VRK2: variants seen among roughly 807,000 people sequenced by gnomAD.
VRK2 encodes the protein serine/threonine-protein kinase VRK2.
VRK2 carries 60 observed loss-of-function variants against 57.6 expected under a neutral mutation model. The ratio of observed to expected loss-of-function variants is 1.04; its 90% CI spans 0.85 to 1.29. The LOEUF is 1.29. Ranked by LOEUF, VRK2 falls within the 50% of genes most tolerant of loss-of-function variation. VRK2 has a pLI of 0.00. For missense variants in VRK2, 705 were observed against 588.1 expected (o/e 1.20, Z -2.06); for synonymous variants, 231 against 199.2 (o/e 1.16, Z -1.35).
chr2:57,933,926 T>C (rs950584483), intron 1 of VRK2, among the ~76,000 whole-genome samples: 4 of 152,144 alleles, frequency 2.6e-5, no homozygotes, highest in African/African-American at 9.7e-5. Flanking sequence ...TTTGTTTGTT[T>C]TGTGACCATG....
At chr2:57,964,722 C>T (rs1169411684) in intron 1 of VRK2, among the ~76,000 whole-genome samples, 1 of 151,820 alleles carries the variant, frequency 6.6e-6, no homozygotes, top group Non-Finnish European at 1.5e-5. Flanking sequence ...CCAGTCTCTA[C>T]TAAAAATACA....
In VRK2 at chr2:58,159,522, A is replaced by C. The variant is rs778820117; in HGVS notation, c.1356A>C (p.Lys452Asn). ...FKKSRSPSWY[K>N]YTSTVSTGIT... ...AGTCAAGATCTCCATCTTGGTATAA[A>C]TACACTTCCACAGTCAGCACGGGGA... is the stretch of plus-strand genomic sequence containing the variant. Residue 452 changes from lysine to asparagine, a missense_variant, in exon 13 of 13, where the codon AAA (lysine) becomes AAC (asparagine). Transcript: ENST00000340157. 6.2e-7 allele frequency: 1 copy of C among 1,613,770 alleles called. No homozygotes were observed. Among genetic ancestry groups the C allele is most frequent in the South Asian group, 1.1e-5 (1 of 91,068 alleles).
intron 11 of VRK2, among the ~76,000 whole-genome samples, chr2:58,145,575 T>TA (rs1489509420): frequency 6.6e-6 from 1 of 152,068 alleles, no homozygotes; most frequent in African/African-American, 2.4e-5. Context: ...GTAAGCAAGT[T>TA]ATCTGTAGAG....
At chr2:57,919,983 A>C (rs1043242828) in intron 1 of VRK2, among the ~76,000 whole-genome samples, 1 of 152,152 alleles carries the variant, frequency 6.6e-6, no homozygotes, top group African/African-American at 2.4e-5. Context: ...GTAATTAACC[A>C]TCTACTCAGT....
intron 7 of VRK2, among the ~76,000 whole-genome samples, chr2:58,109,938 C>G (rs1440051226): frequency 1.3e-5 from 2 of 152,128 alleles, no homozygotes; most frequent in African/African-American, 4.8e-5. Context: ...TAATCATTAG[C>G]TTTACCCATC....
intron 1 of VRK2, among the ~76,000 whole-genome samples, chr2:57,973,854 A>G (rs1558520437): frequency 1.3e-5 from 2 of 151,324 alleles, no homozygotes; most frequent in African/African-American, 4.8e-5. Context: ...TCTAGTGGAG[A>G]AAAAAAAATT....
intron 1 of VRK2, among the ~76,000 whole-genome samples, chr2:57,963,017 GTCAC>G (rs1469243582): frequency 6.6e-6 from 1 of 152,124 alleles, no homozygotes; most frequent in African/African-American, 2.4e-5. Context: ...ATTTGAACAA[GTCAC>G]TTACCCCTGC....
Position 58,123,133 on chromosome 2 carries a change from A to G in VRK2, c.576A>G (p.Arg192=). Residue 192 remains arginine, a synonymous_variant, in exon 8 of 13, where the codon AGA becomes AGG. Transcript: ENST00000340157. ...TTGCAGATTATGGACTTTCCTACAG[A>G]TATTGTCCCAATGGGAACCACAAAC... ...VYLADYGLSY[R]YCPNGNHKQY... is the part of the protein sequence containing the mutation. 6.2e-6 allele frequency: 10 copies of G among 1,600,908 alleles called. No homozygotes were observed. Among genetic ancestry groups the G allele is most frequent in the Non-Finnish European group, 8.5e-6 (10 of 1,176,292 alleles).
chr2:57,963,641 T>C (rs936755948), intron 1 of VRK2, among the ~76,000 whole-genome samples: 17 of 152,226 alleles, frequency 1.1e-4, no homozygotes, highest in Non-Finnish European at 2.4e-4. Flanking sequence ...TCTGAATTTC[T>C]ATAGCATCCA....
chr2:58,122,780 G>A (rs567467408), intron 7 of VRK2, among the ~76,000 whole-genome samples: 1 of 152,268 alleles, frequency 6.6e-6, no homozygotes, highest in South Asian at 2.1e-4. Context: ...TCAACTGTGT[G>A]AATACAGATA....
At chr2:58,034,992 T>A (rs184748826) in intron 3 of VRK2, among the ~76,000 whole-genome samples, 1 of 152,038 alleles carries the variant, frequency 6.6e-6, no homozygotes, top group East Asian at 1.9e-4. Flanking sequence ...ATGCCTGAGA[T>A]TTATCTTTAG....
At chr2:58,152,425 A>G (rs1170039065) in intron 12 of VRK2, among the ~76,000 whole-genome samples, 3 of 151,880 alleles carry the variant, frequency 2.0e-5, no homozygotes, top group Admixed American at 6.6e-5. Flanking sequence ...TTGCTTTTAC[A>G]TGTGTAATAT....
chr2:58,132,147 A>G (rs1263464552), intron 9 of VRK2, among the ~76,000 whole-genome samples: 5 of 152,234 alleles, frequency 3.3e-5, no homozygotes, highest in Admixed American at 3.3e-4. Flanking sequence ...ACAGTGCAAA[A>G]TATAAAGTGA....
intron 1 of VRK2, among the ~76,000 whole-genome samples, chr2:57,926,446 TGTGTGTG>T: frequency 4.6e-5 from 1 of 21,522 alleles, no homozygotes; most frequent in South Asian, 9.7e-4. Context: ...TATATGTGTG[TGTGTGTG>T]TGTGTGTGTG....
At chr2:58,096,571 C>T (rs527494385) in intron 7 of VRK2, among the ~76,000 whole-genome samples, 1 of 151,958 alleles carries the variant, frequency 6.6e-6, no homozygotes, top group South Asian at 2.1e-4. Flanking sequence ...GATTGTTTCT[C>T]TCTAGTTATT....
intron 1 of VRK2, among the ~76,000 whole-genome samples, chr2:57,972,013 A>C (rs1191419329): frequency 6.6e-6 from 1 of 151,868 alleles, no homozygotes; most frequent in Non-Finnish European, 1.5e-5. Flanking sequence ...GAGCTTCTTC[A>C]GGTTGGCTCT....
chr2:58,081,477 C>A lies in VRK2; in HGVS notation c.137-2612C>A, dbSNP rs939763941. ...TAACTGTGTTTTCTTTTTCTTTAAA[C>A]CTTTTTTTCTTGCCATCTATTAAAT... is the stretch of plus-strand genomic sequence containing the variant. On this transcript the variant is annotated intron_variant, in intron 2 of 12. Coordinates refer to ENST00000340157, the MANE Select transcript of VRK2 (RefSeq NM_006296.7). Among the ~76,000 whole-genome samples, 7 of 151,586 alleles carry A rather than the reference C, an allele frequency of 4.6e-5. 1 individual carries two copies. Among genetic ancestry groups the A allele is most frequent in the African/African-American group, 1.7e-4 (7 of 41,412 alleles).
chr2:58,145,774 C>T (rs1275791563), intron 11 of VRK2, among the ~76,000 whole-genome samples: 1 of 151,978 alleles, frequency 6.6e-6, no homozygotes, highest in Non-Finnish European at 1.5e-5. Context: ...TCCCTCCTCC[C>T]TTCCCCCACC....
At chr2:57,985,367 G>C (rs1198884391) in intron 1 of VRK2, among the ~76,000 whole-genome samples, 2 of 151,932 alleles carry the variant, frequency 1.3e-5, no homozygotes, top group Non-Finnish European at 2.9e-5. Context: ...GTAAAGATTT[G>C]ACATATTTCT....
Sources: gnomAD v4.1 joint callset for allele counts (sites outside exome capture counted in the v4.1 genomes callset) on GRCh38, gnomAD v4.1.1 for gene constraint, MANE v1.5 for transcripts, NCBI Gene and HGNC (gene_info 2026-07-23, HGNC 2026-07-21) for gene names.